The following GLIS1 variants were observed in gnomAD, a reference collection of about 807,000 sequenced individuals.
The protein encoded by GLIS1 is zinc finger protein GLIS1.
A neutral mutation model predicts 63.8 loss-of-function variants in GLIS1; 24 were observed. The observed-to-expected ratio is 0.38, with a 90% CI of 0.27 to 0.53. GLIS1 has a LOEUF of 0.53. Among genes scored for constraint, GLIS1 ranks in the 20% least tolerant of loss-of-function variants. GLIS1 has a pLI of 0.85. For synonymous variants in GLIS1, 450 were observed against 482.5 expected (o/e 0.93, Z 0.88); for missense variants, 1,036 against 1,074.1 (o/e 0.96, Z 0.50).
chr1:53,728,777 C>T (rs1334544293), intron 2 of GLIS1, among the ~76,000 whole-genome samples: 2 of 152,114 alleles, frequency 1.3e-5, no homozygotes, highest in Non-Finnish European at 2.9e-5. Flanking sequence ...GGTCTAAGGC[C>T]GCATAAGGAA....
intron 2 of GLIS1, among the ~76,000 whole-genome samples, chr1:53,691,224 G>T (rs925556781): frequency 2.0e-5 from 3 of 152,126 alleles, no homozygotes; most frequent in Non-Finnish European, 4.4e-5. Context: ...AGGCTAGGGC[G>T]CACTCCCGCT....
rs150499843 is a variant in GLIS1, at chr1:53,526,748, G to A, written c.1483-1861C>T. Among the ~76,000 whole-genome samples, 15 of 152,368 alleles carry A rather than the reference G, an allele frequency of 9.8e-5. No individual in the cohort carries two copies. The highest frequency in any genetic ancestry group is 3.4e-3 in the Middle Eastern group (1 of 294). On this transcript the variant is annotated intron_variant, in intron 5 of 10. Transcript: ENST00000628545. This position sits in a 1 kb window ranked among gnomAD's most constrained non-coding sequence, Gnocchi z 4.4. Reference sequence around the variant, plus strand: ...CAAACAAGCTGGCTCTGTGTCTGCCGGCACATTCGCCTGGAAACGGGCGGC... The same window carrying A: ...CAAACAAGCTGGCTCTGTGTCTGCCAGCACATTCGCCTGGAAACGGGCGGC...
chr1:53,656,433 C>A (rs1347389438), intron 2 of GLIS1, among the ~76,000 whole-genome samples: 1 of 152,184 alleles, frequency 6.6e-6, no homozygotes, highest in Non-Finnish European at 1.5e-5. Context: ...TTTCTGCCAG[C>A]CTCTAGTATT....
intron 2 of GLIS1, among the ~76,000 whole-genome samples, chr1:53,600,822 G>A (rs1244613671): frequency 4.6e-5 from 7 of 152,222 alleles, no homozygotes; most frequent in Admixed American, 2.6e-4. Context: ...CTCCCAAATT[G>A]TGTTACACCA....
chr1:53,671,070 A>G (rs1464733325), intron 2 of GLIS1, among the ~76,000 whole-genome samples: 3 of 152,252 alleles, frequency 2.0e-5, no homozygotes, highest in Non-Finnish European at 4.4e-5. Flanking sequence ...TAAACCATGC[A>G]TGTGGACAGA....
chr1:53,708,564 T>C (rs890069201), intron 2 of GLIS1, among the ~76,000 whole-genome samples: 1 of 152,072 alleles, frequency 6.6e-6, no homozygotes, highest in Non-Finnish European at 1.5e-5. Flanking sequence ...TGGGGCTGAG[T>C]GTGCACGGGA....
At chr1:53,668,057 C>T (rs781750503) in intron 2 of GLIS1, among the ~76,000 whole-genome samples, 3 of 152,208 alleles carry the variant, frequency 2.0e-5, no homozygotes, top group Non-Finnish European at 4.4e-5. Flanking sequence ...ACCTGCCTGC[C>T]CACCGCAGCA....
At chr1:53,605,824 A>G (rs1462137928) in intron 2 of GLIS1, among the ~76,000 whole-genome samples, 1 of 152,202 alleles carries the variant, frequency 6.6e-6, no homozygotes, top group Non-Finnish European at 1.5e-5. Flanking sequence ...GTGCCCTCTC[A>G]TTCCCTCATT....
At chr1:53,625,426 A>G (rs1332619173) in intron 2 of GLIS1, among the ~76,000 whole-genome samples, 3 of 152,190 alleles carry the variant, frequency 2.0e-5, no homozygotes, top group Non-Finnish European at 2.9e-5. Context: ...GTAACCTTGG[A>G]CTTCATCTTC....
chr1:53,669,395 G>A (rs1353868438), intron 2 of GLIS1, among the ~76,000 whole-genome samples: 7 of 152,294 alleles, frequency 4.6e-5, no homozygotes, highest in South Asian at 4.1e-4. Flanking sequence ...GGATCCCAGC[G>A]TGTGGTCAGC....
chr1:53,569,268 C>G (rs1644962067), intron 4 of GLIS1, among the ~76,000 whole-genome samples: 1 of 152,040 alleles, frequency 6.6e-6, no homozygotes, highest in Admixed American at 6.5e-5. Flanking sequence ...TGTACAATAC[C>G]AAGAATGAAC....
chr1:53,530,546 C>G (rs1644519478), intron 4 of GLIS1, among the ~76,000 whole-genome samples: 1 of 152,216 alleles, frequency 6.6e-6, no homozygotes, highest in Non-Finnish European at 1.5e-5. Context: ...AAAACAAGAG[C>G]CACGTTTGTA....
chr1:53,595,366 A>G (rs570421988), intron 3 of GLIS1, among the ~76,000 whole-genome samples: 105 of 152,218 alleles, frequency 6.9e-4, no homozygotes, highest in African/African-American at 2.3e-3. Context: ...AAAAAAATTT[A>G]CAAATTAGCC....
At chr1:53,513,209 C>G (rs1190503808) in intron 8 of GLIS1, among the ~76,000 whole-genome samples, 2 of 152,158 alleles carry the variant, frequency 1.3e-5, no homozygotes, top group Admixed American at 6.5e-5. Flanking sequence ...CCCGCTGCCT[C>G]CAGTGCCACC....
intron 2 of GLIS1, among the ~76,000 whole-genome samples, chr1:53,700,905 A>G (rs1198813074): frequency 2.6e-5 from 4 of 152,242 alleles, no homozygotes; most frequent in Non-Finnish European, 4.4e-5. Flanking sequence ...TCTTCCACAC[A>G]GCATAACGTT....
Position 53,594,642 on chromosome 1 carries a change from G to T in GLIS1, c.786C>A (p.Thr262=). Residue 262 remains threonine, a synonymous_variant, in exon 4 of 11, where the codon ACC becomes ACA. Coordinates refer to ENST00000628545, the MANE Select transcript of GLIS1 (RefSeq NM_001367484.1). Reference sequence around the variant, plus strand: ...ACGTCTGGGAGGAGCGGATGATGGAGGTGACGTCGGAGGAGGCACAGGGTG... The same window carrying T: ...ACGTCTGGGAGGAGCGGATGATGGATGTGACGTCGGAGGAGGCACAGGGTG... ...SSSPCASSDV[T]SIIRSSQTSL... 1 of 1,558,852 alleles carries T rather than the reference G, an allele frequency of 6.4e-7. No homozygotes were observed. Among genetic ancestry groups the T allele is most frequent in the Non-Finnish European group, 8.7e-7 (1 of 1,149,416 alleles).
intron 2 of GLIS1, among the ~76,000 whole-genome samples, chr1:53,734,546 C>G (rs1646894610): frequency 6.6e-6 from 1 of 152,180 alleles, no homozygotes; most frequent in Admixed American, 6.5e-5. Flanking sequence ...TTGAGCAAAT[C>G]CCTGAACCTT....
intron 10 of GLIS1, 55 bp downstream of exon 10, chr1:53,509,065 C>G: frequency 1.3e-6 from 2 of 1,485,986 alleles, no homozygotes; most frequent in Non-Finnish European, 1.8e-6. Flanking sequence ...GCACCCAGCA[C>G]TGGGTTGAGC....
intron 2 of GLIS1, among the ~76,000 whole-genome samples, chr1:53,615,189 C>G (rs1645468152): frequency 6.6e-6 from 1 of 152,166 alleles, no homozygotes; most frequent in African/African-American, 2.4e-5. Context: ...CAGGAGGACA[C>G]TCTCAGATGC....
Sources: gnomAD v4.1 joint callset for allele counts (sites outside exome capture counted in the v4.1 genomes callset) on GRCh38, gnomAD v4.1.1 for gene constraint, Gnocchi (gnomAD v3.1) non-coding constraint, MANE v1.5 for transcripts, NCBI Gene and HGNC (gene_info 2026-07-23, HGNC 2026-07-21) for gene names.